Variants in THRB observed in about 807,000 individuals in gnomAD.
THRB encodes thyroid hormone receptor beta.
A neutral mutation model predicts 47.8 loss-of-function variants in THRB; 12 were observed. The ratio of observed to expected loss-of-function variants is 0.25; its 90% CI spans 0.16 to 0.41. The LOEUF is 0.41. Among genes scored for constraint, THRB ranks in the 10% least tolerant of loss-of-function variants. The pLI, the probability that THRB is intolerant of heterozygous loss-of-function variation, is 1.00. For synonymous variants in THRB, 218 were observed against 212.2 expected (o/e 1.03, Z -0.24); for missense variants, 348 against 589.2 (o/e 0.59, Z 4.24).
chr3:24,245,915 AACAAT>A (rs1467041694), intron 3 of THRB, among the ~76,000 whole-genome samples: 3 of 145,950 alleles, frequency 2.1e-5, no homozygotes, highest in Non-Finnish European at 4.4e-5. Flanking sequence ...TCTGTCACAA[AACAAT>A]ACAAAGCAAA....
chr3:24,321,734 G>A (rs2058498832), intron 2 of THRB, among the ~76,000 whole-genome samples: 1 of 151,978 alleles, frequency 6.6e-6, no homozygotes, highest in South Asian at 2.1e-4. Flanking sequence ...TCTATGCTGT[G>A]ATGTTCAACA....
At chr3:24,216,239 C>T (rs1012112895) in intron 4 of THRB, among the ~76,000 whole-genome samples, 2 of 152,150 alleles carry the variant, frequency 1.3e-5, no homozygotes, top group Admixed American at 1.3e-4. Flanking sequence ...TGTTTCTCCA[C>T]CTGTAATTTC....
intron 1 of THRB, among the ~76,000 whole-genome samples, chr3:24,490,326 A>C (rs1035071173): frequency 6.6e-6 from 1 of 152,224 alleles, no homozygotes; most frequent in Non-Finnish European, 1.5e-5. Context: ...AGCAAAACAG[A>C]CAGCTGTGAT....
chr3:24,203,960 G>C (rs1263705886), intron 4 of THRB, among the ~76,000 whole-genome samples: 1 of 152,250 alleles, frequency 6.6e-6, no homozygotes, highest in Admixed American at 6.5e-5. Context: ...GGCTGGGGGA[G>C]GGGCACCCGC....
chr3:24,431,261 TACACACACACACA>T (rs1396583215), intron 1 of THRB, among the ~76,000 whole-genome samples: 5 of 135,708 alleles, frequency 3.7e-5, no homozygotes, highest in South Asian at 2.7e-4. Context: ...TCTCTCTCTC[TACACACACACACA>T]CACACACACA....
intron 1 of THRB, among the ~76,000 whole-genome samples, chr3:24,485,603 C>T (rs1255399718): frequency 1.3e-5 from 2 of 152,226 alleles, no homozygotes; most frequent in East Asian, 1.9e-4. Context: ...AGTCAATCTT[C>T]CTTATTGTGC....
At chr3:24,277,461 T>G (rs1242812429) in intron 3 of THRB, among the ~76,000 whole-genome samples, 1 of 152,114 alleles carries the variant, frequency 6.6e-6, no homozygotes. Flanking sequence ...CCCCAGAATT[T>G]TTGATTCAGT....
chr3:24,209,978 G>A (rs1048747161), intron 4 of THRB, among the ~76,000 whole-genome samples: 2 of 152,154 alleles, frequency 1.3e-5, no homozygotes, highest in Non-Finnish European at 2.9e-5. Flanking sequence ...GTTCTGATAC[G>A]TGTCTACAGA....
At chr3:24,141,934 G>A (rs1310337129) in intron 8 of THRB, among the ~76,000 whole-genome samples, 2 of 152,214 alleles carry the variant, frequency 1.3e-5, no homozygotes, top group African/African-American at 4.8e-5. Context: ...AGTGTACTGT[G>A]TTAGAATTTG....
chr3:24,188,865 A>ATATATATATG (rs897976365), intron 5 of THRB, among the ~76,000 whole-genome samples: 1 of 138,346 alleles, frequency 7.2e-6, no homozygotes, highest in African/African-American at 2.9e-5. Flanking sequence ...TCAAATATAT[A>ATATATATATG]TATATATATA....
rs1182622870 is a variant in THRB, at chr3:24,164,982, A to G, written c.284-12492T>C. Reference sequence around the variant, plus strand: ...ACTGTAACTTTAAAATGAAACGAAAACAAACAGTGAAACTTTGAACAAATT... The same window carrying G: ...ACTGTAACTTTAAAATGAAACGAAAGCAAACAGTGAAACTTTGAACAAATT... On this transcript the variant is annotated intron_variant, in intron 5 of 10. Transcript: ENST00000646209. 4.4e-6 allele frequency: 3 copies of G among 687,816 alleles called. No individual in the cohort carries two copies. In the East Asian group the frequency reaches 7.4e-5, roughly 17 times the overall value. 42.6% of individuals were successfully genotyped at this position (687,816 alleles called of 1,614,324 possible). A position where few individuals can be genotyped will look rare whatever the true frequency, so the allele number is the denominator to read the frequency against.
chr3:24,430,521 T>C (rs982219954), intron 1 of THRB, among the ~76,000 whole-genome samples: 14 of 152,040 alleles, frequency 9.2e-5, no homozygotes, highest in African/African-American at 3.4e-4. Context: ...TTTTAAAGAA[T>C]ATAAATTTAT....
chr3:24,430,857 T>A (rs947572222), intron 1 of THRB: 1 of 152,098 alleles, frequency 6.6e-6, no homozygotes, highest in Non-Finnish European at 1.5e-5. Context: ...GGAGTGGGCT[T>A]TAAGAAGTGT....
At chr3:24,409,793 A>C (rs1278905521) in intron 1 of THRB, among the ~76,000 whole-genome samples, 5 of 151,860 alleles carry the variant, frequency 3.3e-5, no homozygotes, top group Non-Finnish European at 7.4e-5. Flanking sequence ...TGTAGAAAAT[A>C]ATGTAAAAAA....
rs977917889 is a variant in THRB, at chr3:24,126,063, T to C, written c.1144+1436A>G. Among the ~76,000 whole-genome samples, 4 of 152,116 alleles carry C rather than the reference T, an allele frequency of 2.6e-5. No individual in the cohort carries two copies. The South Asian group carries it at 8.3e-4, about 32-fold the overall frequency. On this transcript the variant is annotated intron_variant, in intron 10 of 10. Coordinates refer to ENST00000646209, the MANE Select transcript of THRB (RefSeq NM_001354712.2). ...TTTTAAAAGTCTGCCATATCTAAATTTCCTATAGTAAATACATTTCTAGAT... is the reference window on the plus strand; with the variant it reads ...TTTTAAAAGTCTGCCATATCTAAATCTCCTATAGTAAATACATTTCTAGAT...
chr3:24,262,723 C>T (rs1407235620), intron 3 of THRB, among the ~76,000 whole-genome samples: 1 of 152,342 alleles, frequency 6.6e-6, no homozygotes, highest in Non-Finnish European at 1.5e-5. Context: ...AATTACACCT[C>T]TCTTCCTAAT....
At chr3:24,454,125 C>T (rs2072943582) in intron 1 of THRB, among the ~76,000 whole-genome samples, 1 of 151,740 alleles carries the variant, frequency 6.6e-6, no homozygotes, top group Admixed American at 6.6e-5. Flanking sequence ...AGTAAAAAGG[C>T]AAGATAATTT....
intron 5 of THRB, among the ~76,000 whole-genome samples, chr3:24,189,275 C>A (rs1031774627): frequency 1.3e-5 from 2 of 151,908 alleles, no homozygotes; most frequent in African/African-American, 2.4e-5. Flanking sequence ...ATAGACCCCC[C>A]CTTTTCTTTT....
intron 3 of THRB, among the ~76,000 whole-genome samples, chr3:24,238,910 C>T (rs1325729064): frequency 4.0e-5 from 6 of 151,306 alleles, no homozygotes; most frequent in South Asian, 2.1e-4. Flanking sequence ...AAATTGACTT[C>T]GGAAACTTTG....
Sources: allele counts gnomAD v4.1 joint callset (sites outside exome capture counted in the v4.1 genomes callset), GRCh38; gene constraint gnomAD v4.1.1; transcripts MANE v1.5; gene names NCBI Gene and HGNC (gene_info 2026-07-23, HGNC 2026-07-21).